GK5: variants seen among roughly 807,000 people sequenced by gnomAD.
GK5 encodes the protein glycerol kinase 5.
In GK5, 39 loss-of-function variants were observed where a neutral mutation model predicts 77.3. That is an observed-to-expected ratio of 0.50 (90% CI 0.39 to 0.66). GK5 has a LOEUF of 0.66. GK5 is among the 30% of genes least tolerant of loss of function. The probability of loss-of-function intolerance (pLI) is 0.00; values close to 1 mark genes in which losing one functional copy is unlikely to be tolerated. For missense variants in GK5, 487 were observed against 633.8 expected, an observed-to-expected ratio of 0.77 and a Z score of 2.49; for synonymous variants, 211 against 208.0, an observed-to-expected ratio of 1.01 and a Z score of -0.13.
chr3:142,159,849 C>CTTTTT lies in GK5; in HGVS notation c.*5772_*5773insAAAAA, dbSNP rs1399191009. On this transcript the variant is annotated 3_prime_UTR_variant, in exon 16 of 16. Coordinates refer to ENST00000392993, the MANE Select transcript of GK5 (RefSeq NM_001039547.3). ...GGGCTTTCTCTCTCTCTCTCTCTCT[C>CTTTTT]TCTCTTTTTTTTTTTTGAGACAGAG... 9.5e-6 allele frequency: 1 copy of CTTTTT among 104,776 alleles called. No homozygotes were observed. Among genetic ancestry groups the CTTTTT allele is most frequent in the African/African-American group, 4.1e-5 (1 of 24,562 alleles). 6.5% of individuals were successfully genotyped at this position (104,776 alleles called of 1,614,324 possible).
At position 142,165,574 on chromosome 3, in the gene GK5, C is replaced by A; in HGVS notation, c.*48G>T. On this transcript the variant is annotated 3_prime_UTR_variant, in exon 16 of 16. Transcript: ENST00000392993. Reference sequence around the variant, plus strand: ...TTATCCCTGAGCTTCATCTCATCTGCACGTCACATAAACCAGCTACCTATG... The same window carrying A: ...TTATCCCTGAGCTTCATCTCATCTGAACGTCACATAAACCAGCTACCTATG... 1 of 1,451,996 alleles carries A rather than the reference C, an allele frequency of 6.9e-7. No individual in the cohort carries two copies. Among genetic ancestry groups the A allele is most frequent in the Non-Finnish European group, 9.4e-7 (1 of 1,068,380 alleles). 89.9% of individuals were successfully genotyped at this position (1,451,996 alleles called of 1,614,324 possible).
chr3:142,223,571 G>A (rs1004337463), intron 1 of GK5, among the ~76,000 whole-genome samples: 1 of 152,242 alleles, frequency 6.6e-6, no homozygotes, highest in Admixed American at 6.5e-5. Context: ...GGGCACAGTG[G>A]CACACGCCTA....
intron 11 of GK5, among the ~76,000 whole-genome samples, chr3:142,180,093 T>C (rs1447104750): frequency 2.6e-5 from 4 of 152,118 alleles, no homozygotes; most frequent in Admixed American, 2.0e-4. Context: ...GTAGCGGCAA[T>C]GGCAGCCCAG....
At chr3:142,200,240 C>T (rs933009240) in intron 4 of GK5, among the ~76,000 whole-genome samples, 5 of 152,126 alleles carry the variant, frequency 3.3e-5, no homozygotes, top group South Asian at 2.1e-4. Context: ...GCAATCTCAG[C>T]GCAATGCAAC....
intron 4 of GK5, among the ~76,000 whole-genome samples, chr3:142,203,396 T>A (rs971312026): frequency 2.0e-5 from 3 of 152,236 alleles, no homozygotes; most frequent in Non-Finnish European, 2.9e-5. Flanking sequence ...GTAAAACTGA[T>A]GCTGTAGACA....
intron 15 of GK5, 101 bp downstream of exon 15, chr3:142,170,224 G>A (rs774067476): frequency 2.4e-6 from 3 of 1,233,494 alleles, no homozygotes; most frequent in Non-Finnish European, 3.6e-6. Context: ...GGACGCCAAG[G>A]CTTTCCAGAC....
intron 1 of GK5, among the ~76,000 whole-genome samples, chr3:142,224,577 C>A (rs998751243): frequency 1.3e-5 from 2 of 152,150 alleles, no homozygotes; most frequent in Non-Finnish European, 1.5e-5. Flanking sequence ...TACTAACAAC[C>A]AACCAATGAT....
chr3:142,200,195 A>C (rs1218808897), intron 4 of GK5, among the ~76,000 whole-genome samples: 3 of 151,854 alleles, frequency 2.0e-5, no homozygotes, highest in East Asian at 3.9e-4. Flanking sequence ...CCCCAGGCTT[A>C]CATTTTTTTG....
In GK5 at chr3:142,159,847, C is replaced by CTTTT. The variant is rs1407448771; in HGVS notation, c.*5774_*5775insAAAA. ...TGGGGCTTTCTCTCTCTCTCTCTCT[C>CTTTT]TCTCTCTTTTTTTTTTTTGAGACAG... On this transcript the variant is annotated 3_prime_UTR_variant, in exon 16 of 16. Transcript: ENST00000392993. The CTTTT allele has an allele frequency of 3.7e-4, 38 of 103,192 alleles. 1 individual carries two copies. Among genetic ancestry groups the CTTTT allele is most frequent in the African/African-American group, 1.2e-3 (30 of 25,178 alleles). 6.4% of individuals were successfully genotyped at this position (103,192 alleles called of 1,614,324 possible).
rs911013989 is a variant in GK5, at chr3:142,183,029, G to T, written c.837C>A (p.Ala279=). ...IVALVADQQS[A]MFGECCFQTG... ...TCTGGAAGCAGCACTCTCCAAACAT[G>T]GCTGATTGCTGGTCAGCAACCTACC... The change falls in exon 10 of 16, where the codon GCC becomes GCA. Residue 279 remains alanine (A), a synonymous_variant. Transcript: ENST00000392993. The T allele has an allele frequency of 1.9e-6, 3 of 1,613,568 alleles. No homozygotes were observed. The African/African-American group carries it at 4.0e-5, about 22-fold the overall frequency.
In GK5 at chr3:142,185,777, T is replaced by C. The variant is rs747689363; in HGVS notation, c.816+152A>G. On this transcript the variant is annotated intron_variant, in intron 9 of 15. Coordinates refer to ENST00000392993, the MANE Select transcript of GK5 (RefSeq NM_001039547.3). ...AAAAATATAGCAGATATTCTGGTCA[T>C]ATCCAGGGACCTTTAACTTAAAAAG... 5 of 1,558,250 alleles carry C rather than the reference T, an allele frequency of 3.2e-6. No homozygotes were observed. In the South Asian group the frequency reaches 5.9e-5, roughly 18 times the overall value.
At chr3:142,178,486 G>A (rs868015828) in intron 11 of GK5, among the ~76,000 whole-genome samples, 21 of 152,298 alleles carry the variant, frequency 1.4e-4, no homozygotes, top group Admixed American at 3.9e-4. Context: ...AGCTAGATGA[G>A]TTTTCACAGT....
chr3:142,186,385 A>T, intron 7 of GK5, 67 bp downstream of exon 7: 1 of 1,074,750 alleles, frequency 9.3e-7, no homozygotes, highest in South Asian at 1.6e-5. Context: ...AACTAATTTT[A>T]AAAATTTAAA....
At position 142,162,060 on chromosome 3, in the gene GK5, A is replaced by G. The variant is rs917824243; in HGVS notation, c.*3562T>C. ...AGTGATCCGCCTGCCTTGGCCTCCCAAAGTGCTAGGATTACAGGTGTGAGC... is the reference window on the plus strand; with the variant it reads ...AGTGATCCGCCTGCCTTGGCCTCCCGAAGTGCTAGGATTACAGGTGTGAGC... On this transcript the variant is annotated 3_prime_UTR_variant, in exon 16 of 16. Coordinates refer to ENST00000392993, the MANE Select transcript of GK5 (RefSeq NM_001039547.3). 31 of 152,284 alleles carry G rather than the reference A, an allele frequency of 2.0e-4. No homozygotes were observed. The highest frequency in any genetic ancestry group is 7.5e-4 in the African/African-American group (31 of 41,476). The allele number at this position is 152,284 out of a possible 1,614,324, so 9.4% of individuals were successfully genotyped here.
At chr3:142,213,636 A>C (rs1382753169) in intron 2 of GK5, 35 bp from the exon 3 acceptor site, 1 of 1,335,554 alleles carries the variant, frequency 7.5e-7, no homozygotes, top group Non-Finnish European at 1.1e-6. Flanking sequence ...CATGTTTTAA[A>C]GCCAGTGATA....
At chr3:142,196,792 G>A (rs2063940212) in intron 5 of GK5, among the ~76,000 whole-genome samples, 1 of 152,078 alleles carries the variant, frequency 6.6e-6, no homozygotes, top group African/African-American at 2.4e-5. Context: ...TTCTGTTCTT[G>A]GGTAGAGTTT....
chr3:142,213,491 C>A, intron 3 of GK5, 35 bp downstream of exon 3: 1 of 1,226,110 alleles, frequency 8.2e-7, no homozygotes, highest in Non-Finnish European at 1.2e-6. Flanking sequence ...TGGCATGAAC[C>A]CAGCAGTAGG....
chr3:142,222,044 C>T (rs1157454356), intron 1 of GK5, among the ~76,000 whole-genome samples: 1 of 152,138 alleles, frequency 6.6e-6, no homozygotes, highest in Non-Finnish European at 1.5e-5. Flanking sequence ...TGGAATATTA[C>T]AAGAGGTGTA....
chr3:142,187,604 C>CAAA, intron 6 of GK5, 100 bp downstream of exon 6: 89 of 658,028 alleles, frequency 1.4e-4, no homozygotes, highest in Non-Finnish European at 1.6e-4. Context: ...GACCCTAGCT[C>CAAA]AAAAAAAAAA....
Sources: gnomAD v4.1 joint callset for allele counts (sites outside exome capture counted in the v4.1 genomes callset) on GRCh38, gnomAD v4.1.1 for gene constraint, MANE v1.5 for transcripts, NCBI Gene and HGNC (gene_info 2026-07-23, HGNC 2026-07-21) for gene names.